Variants in SHISAL2A observed in about 807,000 individuals in gnomAD.
SHISAL2A encodes protein shisa-like-2A.
In SHISAL2A, 18 loss-of-function variants were observed where a neutral mutation model predicts 11.5. The ratio of observed to expected loss-of-function variants is 1.57; its 90% CI spans 1.08 to 2.33. The LOEUF is 2.33. Among genes scored for constraint, SHISAL2A ranks in the 30% most tolerant of loss-of-function variants. The pLI, the probability that SHISAL2A is intolerant of heterozygous loss-of-function variation, is 0.00. For missense variants in SHISAL2A, 261 were observed against 250.9 expected (o/e 1.04, Z -0.27); for synonymous variants, 94 against 99.6 (o/e 0.94, Z 0.34).
At chr1:52,638,135 T>C (rs1396716606) in intron 1 of SHISAL2A, among the ~76,000 whole-genome samples, 1 of 152,072 alleles carries the variant, frequency 6.6e-6, no homozygotes, top group East Asian at 1.9e-4. Context: ...AGTTCCTCTG[T>C]CACCAGGACA....
chr1:52,659,543 T>C (rs1691865139), downstream of SHISAL2A: 1 of 152,654 alleles, frequency 6.6e-6, no homozygotes, highest in South Asian at 2.1e-4. Context: ...AGAAATGATG[T>C]CTGAGCTGAA....
intron 4 of SHISAL2A, among the ~76,000 whole-genome samples, chr1:52,666,747 G>T (rs983709497): frequency 1.3e-5 from 2 of 152,162 alleles, no homozygotes; most frequent in East Asian, 1.9e-4. Flanking sequence ...TAAGCAAAAA[G>T]GGTCTTTACT....
intron 2 of SHISAL2A, among the ~76,000 whole-genome samples, chr1:52,651,572 T>C (rs1285056530): frequency 1.3e-5 from 2 of 151,398 alleles, no homozygotes; most frequent in Admixed American, 1.3e-4. Context: ...TGAGATGGAG[T>C]CTCACCCTCT....
intron 4 of SHISAL2A, among the ~76,000 whole-genome samples, chr1:52,664,942 C>T (rs1474156008): frequency 6.6e-6 from 1 of 152,158 alleles, no homozygotes; most frequent in Admixed American, 6.5e-5. Context: ...GCGCACACCA[C>T]CACGCCTAGC....
chr1:52,650,537 A>T (rs765223482), intron 2 of SHISAL2A, among the ~76,000 whole-genome samples: 1 of 152,088 alleles, frequency 6.6e-6, no homozygotes, highest in Non-Finnish European at 1.5e-5. Context: ...TCTCAAACAC[A>T]TAGTAGGCTT....
chr1:52,657,363 A>G (rs774662031), downstream of SHISAL2A, among the ~76,000 whole-genome samples: 9 of 152,144 alleles, frequency 5.9e-5, no homozygotes, highest in Non-Finnish European at 1.2e-4. Context: ...CAGTAGGTGT[A>G]TTTAGGAGCC....
At chr1:52,638,927 C>T (rs1480161814) in intron 1 of SHISAL2A, among the ~76,000 whole-genome samples, 2 of 152,178 alleles carry the variant, frequency 1.3e-5, no homozygotes, top group African/African-American at 4.8e-5. Context: ...GAAACTTTGG[C>T]CAGGATAGCC....
chr1:52,646,254 C>T (rs1346624481), intron 2 of SHISAL2A, among the ~76,000 whole-genome samples: 1 of 151,924 alleles, frequency 6.6e-6, no homozygotes. Flanking sequence ...GTCAATAGTA[C>T]CAGTTGAGAA....
chr1:52,642,383 A>G lies in SHISAL2A; in HGVS notation c.183-480A>G, dbSNP rs190095762. Among the ~76,000 whole-genome samples the G allele has an allele frequency of 1.3e-4, 19 of 151,978 alleles. No homozygotes were observed. The East Asian group carries it at 3.7e-3, about 29-fold the overall frequency. ...CATAGAAAGCTTGTTTAAGACAAGT[A>G]GGGACAAAACAAAAGTCAAAGCTGA... On this transcript the variant is annotated intron_variant, in intron 1 of 2. Transcript: ENST00000517870.
chr1:52,665,639 T>G (rs1272055315), intron 4 of SHISAL2A, among the ~76,000 whole-genome samples: 1 of 152,100 alleles, frequency 6.6e-6, no homozygotes, highest in East Asian at 1.9e-4. Context: ...AAAATCTCCC[T>G]CAATAAGTAT....
chr1:52,648,591 C>T (rs760677142), intron 2 of SHISAL2A, among the ~76,000 whole-genome samples: 1 of 152,166 alleles, frequency 6.6e-6, no homozygotes, highest in Non-Finnish European at 1.5e-5. Context: ...TTCACACACA[C>T]CATCTCCTCT....
Position 52,642,924 on chromosome 1 carries a change from G to A in SHISAL2A, c.244G>A (p.Ala82Thr), listed in dbSNP as rs751808374. Residue 82 changes from alanine (A) to threonine (T), a missense_variant, in exon 2 of 3, where the codon GCC becomes ACC. Ala to Thr is a moderately conservative substitution (Grantham distance 58). Coordinates refer to ENST00000517870, the MANE Select transcript of SHISAL2A (RefSeq NM_001042693.3). Reference protein sequence around the residue: ...AVVLLAFIVTACVLCYLFISS... With the variant: ...AVVLLAFIVTTCVLCYLFISS... ...GGTTCTTCTCGCCTTCATTGTTACC[G>A]CCTGTGTGCTCTGCTACCTGTTCAT... is the stretch of plus-strand genomic sequence containing the variant. 9.3e-6 allele frequency: 15 copies of A among 1,613,860 alleles called. No homozygotes were observed. In the African/African-American group the frequency reaches 9.3e-5, roughly 10 times the overall value.
At chr1:52,655,046 T>C (rs1691760334) in intron 2 of SHISAL2A, among the ~76,000 whole-genome samples, 1 of 151,856 alleles carries the variant, frequency 6.6e-6, no homozygotes, top group Admixed American at 6.6e-5. Context: ...ATTAGCCAGG[T>C]CTTGTGGCAC....
chr1:52,664,723 C>T (rs1691976980), intron 4 of SHISAL2A, among the ~76,000 whole-genome samples: 1 of 152,154 alleles, frequency 6.6e-6, no homozygotes. Context: ...GTCTCCATCT[C>T]CTGACCTCGT....
intron 1 of SHISAL2A, among the ~76,000 whole-genome samples, chr1:52,639,145 C>A (rs1225119379): frequency 1.3e-5 from 2 of 151,764 alleles, no homozygotes; most frequent in Non-Finnish European, 2.9e-5. Flanking sequence ...TGTACTCCAG[C>A]CTGGGTGGTA....
rs1190986367 is a variant in SHISAL2A, at chr1:52,633,364, C to A, written c.-130C>A. Reference sequence around the variant, plus strand: ...CTGCTGTCTCTGTCTCGGCTTCTCTCGGCCCCTGGGTCTCTTCGTCTCTGC... The same window carrying A: ...CTGCTGTCTCTGTCTCGGCTTCTCTAGGCCCCTGGGTCTCTTCGTCTCTGC... On this transcript the variant is annotated 5_prime_UTR_variant, in exon 1 of 3. Transcript: ENST00000517870. The surrounding 1 kb of genome is among the most constrained non-coding windows in gnomAD (Gnocchi z 6.4). 1.2e-6 allele frequency: 1 copy of A among 841,422 alleles called. No individual in the cohort carries two copies. Among genetic ancestry groups the A allele is most frequent in the Non-Finnish European group, 1.7e-6 (1 of 590,558 alleles). 52.1% of individuals were successfully genotyped at this position (841,422 alleles called of 1,614,324 possible). A position where few individuals can be genotyped will look rare whatever the true frequency, so the allele number is the denominator to read the frequency against.
chr1:52,649,903 A>G (rs1006935707), intron 2 of SHISAL2A, among the ~76,000 whole-genome samples: 1 of 152,224 alleles, frequency 6.6e-6, no homozygotes, highest in Non-Finnish European at 1.5e-5. Flanking sequence ...CTCATCAACT[A>G]GAACTCAAAA....
Position 52,650,788 on chromosome 1 carries a change from G to A in SHISAL2A, c.323-6002G>A, listed in dbSNP as rs977529974. ...GCCTCTCATGTAGCTGAGGCTACAG[G>A]CACCTGCCACCACACCCGGCTAATT... On this transcript the variant is annotated intron_variant, in intron 2 of 2. Transcript: ENST00000517870. Among the ~76,000 whole-genome samples the A allele has an allele frequency of 2.0e-5, 3 of 151,364 alleles. No individual in the cohort carries two copies. The East Asian group carries it at 5.9e-4, about 30-fold the overall frequency.
At chr1:52,665,413 T>A (rs1231878283) in intron 4 of SHISAL2A, among the ~76,000 whole-genome samples, 1 of 152,002 alleles carries the variant, frequency 6.6e-6, no homozygotes, top group Non-Finnish European at 1.5e-5. Flanking sequence ...AGCAGGAGGA[T>A]CCCACTCCCC....
Sources: gnomAD v4.1 joint callset for allele counts (sites outside exome capture counted in the v4.1 genomes callset) on GRCh38, gnomAD v4.1.1 for gene constraint, Gnocchi (gnomAD v3.1) non-coding constraint, MANE v1.5 for transcripts, NCBI Gene and HGNC (gene_info 2026-07-23, HGNC 2026-07-21) for gene names.